The following DNASE1 variants were observed in gnomAD, a reference collection of about 807,000 sequenced individuals.
The protein encoded by DNASE1 is deoxyribonuclease-1.
Under a neutral mutation model 33.9 loss-of-function variants are expected in DNASE1, and 40 were observed. The observed-to-expected ratio is 1.18, with a 90% CI of 0.92 to 1.54. The LOEUF is 1.54. Ranked by LOEUF, DNASE1 falls within the 40% of genes most tolerant of loss-of-function variation. DNASE1 has a pLI of 0.00. For synonymous variants in DNASE1, 216 were observed against 160.0 expected, an observed-to-expected ratio of 1.35 and a Z score of -2.64; for missense variants, 518 against 372.6, an observed-to-expected ratio of 1.39 and a Z score of -3.21.
At chr16:3,642,549 C>T (rs962544023), upstream of DNASE1, among the ~76,000 whole-genome samples, 4 of 152,130 alleles carry the variant, frequency 2.6e-5, no homozygotes, top group Admixed American at 6.5e-5. Context: ...TCCGTGAGCA[C>T]CTGCCACGGC....
rs745376166 is a variant in DNASE1 at position 3,655,033 on chromosome 16, CCAT to C, written c.-8_-6del. The C allele has an allele frequency of 3.1e-4, 175 of 558,770 alleles. 3 individuals are homozygous for C. The highest frequency in any genetic ancestry group is 4.8e-4 in the Non-Finnish European group (151 of 316,040). 34.6% of individuals were successfully genotyped at this position (558,770 alleles called of 1,614,324 possible). A position where few individuals can be genotyped will look rare whatever the true frequency, so the allele number is the denominator to read the frequency against. On this transcript the variant is annotated 5_prime_UTR_variant, in exon 1 of 9. Coordinates refer to ENST00000246949, the MANE Select transcript of DNASE1 (RefSeq NM_005223.4). ...ATTCTCGTCATCTCTGAGGACATCA[CCAT>C]CATCTCAGGTGAGCACCAGGTGGAG... is the stretch of plus-strand genomic sequence containing the variant.
intron 1 of DNASE1, among the ~76,000 whole-genome samples, chr16:3,645,810 C>G (rs2042156756): frequency 6.6e-6 from 1 of 152,226 alleles, no homozygotes; most frequent in African/African-American, 2.4e-5. Context: ...TTATTATAAA[C>G]AGAAATTAAT....
chr16:3,655,151 C>G lies in DNASE1; in HGVS notation c.-2+107C>G, dbSNP rs1033594923. On this transcript the variant is annotated intron_variant, in intron 1 of 8. Coordinates refer to ENST00000246949, the MANE Select transcript of DNASE1 (RefSeq NM_005223.4). ...GAGTGAGGCGGAGGCTCCAGCGTCCCTCCCGGGCGGGTTTTCTGGTGGATG... is the reference window on the plus strand; with the variant it reads ...GAGTGAGGCGGAGGCTCCAGCGTCCGTCCCGGGCGGGTTTTCTGGTGGATG... The G allele has an allele frequency of 1.3e-5, 8 of 626,608 alleles. No individual in the cohort carries two copies. The East Asian group carries it at 2.2e-4, about 17-fold the overall frequency. 38.8% of individuals were successfully genotyped at this position (626,608 alleles called of 1,614,324 possible). A position where few individuals can be genotyped will look rare whatever the true frequency, so the allele number is the denominator to read the frequency against.
At chr16:3,658,758 G>T, downstream of DNASE1, 1 of 1,595,028 alleles carries the variant, frequency 6.3e-7, no homozygotes, top group Non-Finnish European at 8.6e-7. Context: ...CTGGTAGCCT[G>T]GGTCCCTGCA....
At chr16:3,625,647 G>A (rs1290334960) in intron 1 of DNASE1, among the ~76,000 whole-genome samples, 1 of 151,270 alleles carries the variant, frequency 6.6e-6, no homozygotes, top group African/African-American at 2.4e-5. Flanking sequence ...TAAATGAAAC[G>A]GCCAATATAG....
downstream of DNASE1, chr16:3,662,460 T>C: frequency 1.9e-6 from 1 of 530,330 alleles, no homozygotes; most frequent in Non-Finnish European, 3.4e-6. Context: ...CATGGGACGC[T>C]CATTTCTCAC....
Position 3,619,756 on chromosome 16 carries a change from CTG to C in DNASE1, c.-1359+7751_-1359+7752del, listed in dbSNP as rs1472415199. 2.6e-5 allele frequency among the ~76,000 whole-genome samples: 4 copies of C among 152,040 alleles called. No individual in the cohort carries two copies. In the East Asian group the frequency reaches 7.7e-4, roughly 29 times the overall value. On this transcript the variant is annotated intron_variant and NMD_transcript_variant, in intron 1 of 11. Transcript: ENST00000570769. ...AAATTCCTGGGCTCAAGTGGTTCTC[CTG>C]CCTTGGCCTCCCAAAGTGCTGGGAT...
downstream of DNASE1, chr16:3,659,695 G>C (rs1228446042): frequency 6.6e-6 from 1 of 152,070 alleles, no homozygotes; most frequent in East Asian, 1.9e-4. Flanking sequence ...TGGATGATAT[G>C]CTGAGACTCA....
rs2042812792 is a variant in DNASE1 at position 3,658,003 on chromosome 16, G to C, written c.*50G>C. ...ACTGCAGGAAGAGAGGACCCATCCT[G>C]CCACAGGACCCAGAAAAAAAGCCCA... On this transcript the variant is annotated 3_prime_UTR_variant, in exon 9 of 9. Coordinates refer to ENST00000246949, the MANE Select transcript of DNASE1 (RefSeq NM_005223.4). The C allele has an allele frequency of 1.2e-6, 2 of 1,612,418 alleles. No homozygotes were observed. Among genetic ancestry groups the C allele is most frequent in the Non-Finnish European group, 1.7e-6 (2 of 1,179,210 alleles).
exon 1 of DNASE1, chr16:3,611,783 AGGTGGAGTCT>A (rs1468007929): frequency 1.3e-5 from 2 of 152,002 alleles, no homozygotes; most frequent in Non-Finnish European, 2.9e-5. Flanking sequence ...CGCTTGCTTC[AGGTGGAGTCT>A]GTTAGTTTTT....
downstream of DNASE1, chr16:3,660,450 G>GTGAC (rs1405707750): frequency 7.2e-5 from 11 of 152,176 alleles, no homozygotes; most frequent in Admixed American, 7.2e-4. Context: ...TCCAGCCTAG[G>GTGAC]TGACAGAGCA....
At chr16:3,628,736 T>C (rs1388645124) in intron 1 of DNASE1, among the ~76,000 whole-genome samples, 2 of 151,216 alleles carry the variant, frequency 1.3e-5, no homozygotes, top group Non-Finnish European at 3.0e-5. Flanking sequence ...TTTTTTTGTA[T>C]TTTTAGTAGA....
exon 10 of DNASE1, chr16:3,663,615 C>G: frequency 1.9e-6 from 3 of 1,607,562 alleles, no homozygotes; most frequent in Non-Finnish European, 2.5e-6. Context: ...CCAGCCACCA[C>G]AGAAGAAAGG....
At chr16:3,624,722 C>A (rs1340143151) in intron 1 of DNASE1, among the ~76,000 whole-genome samples, 1 of 152,038 alleles carries the variant, frequency 6.6e-6, no homozygotes, top group Non-Finnish European at 1.5e-5. Flanking sequence ...TTGTCGTCAC[C>A]CAGGCTGGAG....
exon 10 of DNASE1, chr16:3,663,889 G>A (rs2050755332): frequency 5.5e-6 from 2 of 366,624 alleles, no homozygotes; most frequent in Non-Finnish European, 1.0e-5. Context: ...ATGGTGAAAT[G>A]CCGTCTCTAT....
intron 1 of DNASE1, among the ~76,000 whole-genome samples, chr16:3,645,399 C>T (rs1295299478): frequency 1.3e-5 from 2 of 152,222 alleles, no homozygotes; most frequent in Non-Finnish European, 2.9e-5. Context: ...TTGCAGTTCG[C>T]CTTGTGGCTT....
chr16:3,629,005 C>T (rs571901106), intron 1 of DNASE1, among the ~76,000 whole-genome samples: 2 of 150,028 alleles, frequency 1.3e-5, no homozygotes, highest in African/African-American at 2.4e-5. Flanking sequence ...AACCCTGTCT[C>T]TACTAAAAAT....
intron 1 of DNASE1, among the ~76,000 whole-genome samples, chr16:3,617,828 C>T (rs1013530517): frequency 1.3e-5 from 2 of 152,082 alleles, no homozygotes; most frequent in African/African-American, 4.8e-5. Context: ...GAGAAACCCC[C>T]TACCCTTTCT....
Position 3,655,417 on chromosome 16 carries a change from C to A in DNASE1, c.44C>A (p.Ala15Asp). 3 of 1,613,850 alleles carry A rather than the reference C, an allele frequency of 1.9e-6. No homozygotes were observed. The highest frequency in any genetic ancestry group is 1.7e-6 in the Non-Finnish European group (2 of 1,179,976). Residue 15 changes from alanine (A) to aspartate (D), a missense_variant, in exon 2 of 9, where the codon GCC becomes GAC. Physicochemically the swap from Ala to Asp is moderately radical, Grantham distance 126. Coordinates refer to ENST00000246949, the MANE Select transcript of DNASE1 (RefSeq NM_005223.4). The stretch of plus-strand genomic sequence containing the variant: ...CTGGGGGCGCTGCTGGCACTGGCGG[C>A]CCTACTGCAGGGGGCCGTGTCCCTG... Reference protein sequence around the residue: ...KLLGALLALAALLQGAVSLKI... With the variant: ...KLLGALLALADLLQGAVSLKI...
Sources: allele counts gnomAD v4.1 joint callset (sites outside exome capture counted in the v4.1 genomes callset), GRCh38; gene constraint gnomAD v4.1.1; transcripts MANE v1.5; gene names NCBI Gene and HGNC (gene_info 2026-07-23, HGNC 2026-07-21).